SLC49A4: variants seen among roughly 807,000 people sequenced by gnomAD.
The protein encoded by SLC49A4 is solute carrier family 49 member 4.
SLC49A4 carries 36 observed loss-of-function variants against 50.6 expected under a neutral mutation model. That is an observed-to-expected ratio of 0.71 (90% confidence interval 0.55 to 0.94). The LOEUF (loss-of-function observed/expected upper bound fraction) is 0.94, where lower values mean the gene tolerates loss of function less well. SLC49A4 is among the 40% of genes least tolerant of loss of function. SLC49A4 has a pLI of 0.00. For missense variants in SLC49A4, 503 were observed against 605.7 expected, an observed-to-expected ratio of 0.83 and a Z score of 1.78; for synonymous variants, 248 against 241.2, an observed-to-expected ratio of 1.03 and a Z score of -0.26.
At chr3:122,824,566 CTTCT>C (rs1393717329) in intron 2 of SLC49A4, among the ~76,000 whole-genome samples, 10 of 152,006 alleles carry the variant, frequency 6.6e-5, no homozygotes, top group South Asian at 2.1e-4. Context: ...CTTCTCTTCT[CTTCT>C]TTCTTTCTCT....
intron 1 of SLC49A4, among the ~76,000 whole-genome samples, chr3:122,802,373 A>G (rs967028186): frequency 6.6e-6 from 1 of 152,118 alleles, no homozygotes; most frequent in African/African-American, 2.4e-5. Context: ...AGAGGCCAAC[A>G]TAGCTAGAAT....
chr3:122,813,729 A>G (rs1342844114), intron 2 of SLC49A4, among the ~76,000 whole-genome samples: 1 of 152,252 alleles, frequency 6.6e-6, no homozygotes, highest in Admixed American at 6.5e-5. Context: ...TAGAGGAACA[A>G]AATATGCTAG....
At chr3:122,814,607 C>G (rs1426196861) in intron 2 of SLC49A4, among the ~76,000 whole-genome samples, 1 of 152,064 alleles carries the variant, frequency 6.6e-6, no homozygotes, top group East Asian at 1.9e-4. Context: ...GTGTAACAAA[C>G]CAAAAATATT....
intron 2 of SLC49A4, among the ~76,000 whole-genome samples, chr3:122,819,378 G>A (rs890565905): frequency 6.6e-6 from 1 of 151,990 alleles, no homozygotes; most frequent in Non-Finnish European, 1.5e-5. Context: ...CCCTGTGATA[G>A]CTAATCTAAT....
At chr3:122,844,046 C>T (rs1389444214) in intron 4 of SLC49A4, among the ~76,000 whole-genome samples, 2 of 152,174 alleles carry the variant, frequency 1.3e-5, no homozygotes. Flanking sequence ...CATCCTCATG[C>T]ACGTCACCAT....
intron 3 of SLC49A4, among the ~76,000 whole-genome samples, chr3:122,828,081 T>C (rs1045957162): frequency 1.1e-4 from 17 of 152,338 alleles, no homozygotes; most frequent in African/African-American, 4.1e-4. Context: ...AAAATGAGAC[T>C]GGAATGATAA....
intron 5 of SLC49A4, among the ~76,000 whole-genome samples, chr3:122,853,417 C>G (rs2107576986): frequency 6.6e-6 from 1 of 152,272 alleles, no homozygotes; most frequent in Admixed American, 6.5e-5. Context: ...GGCAGGTATT[C>G]CAAGTATGCT....
intron 1 of SLC49A4, among the ~76,000 whole-genome samples, chr3:122,804,460 C>A (rs778808795): frequency 6.6e-6 from 1 of 152,196 alleles, no homozygotes; most frequent in Admixed American, 6.5e-5. Flanking sequence ...CCTCATAACT[C>A]CTTTCCCTTG....
At chr3:122,820,086 A>C (rs1209369530) in intron 2 of SLC49A4, among the ~76,000 whole-genome samples, 1 of 152,224 alleles carries the variant, frequency 6.6e-6, no homozygotes, top group Non-Finnish European at 1.5e-5. Context: ...AATAAACTAG[A>C]GGTTTATAAA....
intron 1 of SLC49A4, among the ~76,000 whole-genome samples, chr3:122,799,304 T>G (rs1936097398): frequency 6.6e-6 from 1 of 151,924 alleles, no homozygotes; most frequent in Non-Finnish European, 1.5e-5. Flanking sequence ...TTACATAAGG[T>G]TTTAGGGAAG....
At chr3:122,878,521 GA>G (rs1937293301) in intron 8 of SLC49A4, among the ~76,000 whole-genome samples, 1 of 152,158 alleles carries the variant, frequency 6.6e-6, no homozygotes, top group African/African-American at 2.4e-5. Context: ...TCTTGTTGGA[GA>G]ATCCTGAATT....
At chr3:122,825,418 T>G (rs985658877) in intron 2 of SLC49A4, among the ~76,000 whole-genome samples, 18 of 152,084 alleles carry the variant, frequency 1.2e-4, no homozygotes, top group African/African-American at 3.9e-4. Context: ...TGTCTTGAGT[T>G]TTTTTAATTT....
At chr3:122,866,937 T>G (rs12494271) in intron 7 of SLC49A4, among the ~76,000 whole-genome samples, 1 of 152,024 alleles carries the variant, frequency 6.6e-6, no homozygotes, top group Non-Finnish European at 1.5e-5. Flanking sequence ...AATTATCATC[T>G]TAACACTGTG....
intron 3 of SLC49A4, among the ~76,000 whole-genome samples, chr3:122,831,805 GA>G (rs1272410641): frequency 1.3e-5 from 2 of 152,070 alleles, no homozygotes; most frequent in African/African-American, 2.4e-5. Context: ...GATGGTCAAA[GA>G]ATATGAATAA....
chr3:122,826,981 G>C lies in SLC49A4; in HGVS notation c.619G>C (p.Ala207Pro). The C allele has an allele frequency of 6.2e-7, 1 of 1,614,160 alleles. No homozygotes were observed. Residue 207 changes from alanine to proline, a missense_variant, in exon 3 of 9, where the codon GCT becomes CCT. Coordinates refer to ENST00000261038, the MANE Select transcript of SLC49A4 (RefSeq NM_032839.3). Reference protein sequence around the residue: ...AFLVGPLVVPAPNGTSPLLAA... With the variant: ...AFLVGPLVVPPPNGTSPLLAA... ...TTTAGTTGGACCACTTGTTGTTCCA[G>C]CTCCCAATGGGACATCACCTCTTCT...
At chr3:122,813,918 T>C (rs1936331554) in intron 2 of SLC49A4, among the ~76,000 whole-genome samples, 2 of 152,222 alleles carry the variant, frequency 1.3e-5, no homozygotes, top group South Asian at 4.1e-4. Flanking sequence ...TGGAGAGCTG[T>C]GTATTTAAAA....
intron 2 of SLC49A4, among the ~76,000 whole-genome samples, chr3:122,811,848 G>A (rs1004472750): frequency 6.6e-6 from 1 of 152,172 alleles, no homozygotes; most frequent in African/African-American, 2.4e-5. Flanking sequence ...AATGGGAAGG[G>A]TATCATTGGT....
intron 2 of SLC49A4, among the ~76,000 whole-genome samples, chr3:122,815,930 C>T (rs542803060): frequency 4.0e-4 from 61 of 152,140 alleles, no homozygotes; most frequent in Non-Finnish European, 8.1e-4. Context: ...CTTGGCAATA[C>T]GCTTCCCTCA....
intron 7 of SLC49A4, among the ~76,000 whole-genome samples, chr3:122,863,432 AGTCAGC>A (rs1937080822): frequency 1.3e-5 from 2 of 152,252 alleles, no homozygotes; most frequent in African/African-American, 4.8e-5. Flanking sequence ...TGCCAGTGGT[AGTCAGC>A]AATTGTGGTC....
Sources: allele counts gnomAD v4.1 joint callset (sites outside exome capture counted in the v4.1 genomes callset), GRCh38; gene constraint gnomAD v4.1.1; transcripts MANE v1.5; gene names NCBI Gene and HGNC (gene_info 2026-07-23, HGNC 2026-07-21).